The following PIEZO1 variants were observed in gnomAD, a reference collection of about 807,000 sequenced individuals.
PIEZO1 encodes the protein piezo-type mechanosensitive ion channel component 1.
Under a neutral mutation model 297.2 loss-of-function variants are expected in PIEZO1, and 296 were observed. That is an observed-to-expected ratio of 1.00 (90% confidence interval 0.91 to 1.10). The LOEUF is 1.10. Among genes scored for constraint, PIEZO1 ranks in the 50% least tolerant of loss-of-function variants. The probability of loss-of-function intolerance (pLI) is 0.00; values close to 1 mark genes in which losing one functional copy is unlikely to be tolerated. For synonymous variants in PIEZO1, 2,427 were observed against 1,507.5 expected (o/e 1.61, Z -14.13); for missense variants, 5,018 against 3,455.5 (o/e 1.45, Z -11.34).
At position 88,716,915 on chromosome 16, in the gene PIEZO1, G is replaced by A; in HGVS notation, c.6661-17C>T. On this transcript the variant is annotated splice_polypyrimidine_tract_variant and intron_variant, in intron 45 of 50. Transcript: ENST00000301015. ...GAACAGCGGCTGGGGCAGGCACGGGGACACGGGGCCACGAAGATGAGCGTG... is the reference window on the plus strand; with the variant it reads ...GAACAGCGGCTGGGGCAGGCACGGGAACACGGGGCCACGAAGATGAGCGTG... 3 of 1,549,028 alleles carry A rather than the reference G, an allele frequency of 1.9e-6. No individual in the cohort carries two copies. The highest frequency in any genetic ancestry group is 2.6e-6 in the Non-Finnish European group (3 of 1,146,452).
In PIEZO1 at chr16:88,738,333, G is replaced by A. The variant is rs1363120330; in HGVS notation, c.742C>T (p.Leu248Phe). The change falls in exon 7 of 51, where the codon CTC (leucine) becomes TTC (phenylalanine). Residue 248 changes from leucine (L) to phenylalanine (F), a missense_variant. Physicochemically the swap from Leu to Phe is conservative, Grantham distance 22. Transcript: ENST00000301015. Reference sequence around the variant, plus strand: ...CCGAAGCACCCCACCGCGACGCAGAGTCTGCTGAAGCCCCGAGTGCTGATG... The same window carrying A: ...CCGAAGCACCCCACCGCGACGCAGAATCTGCTGAAGCCCCGAGTGCTGATG... ...FPISTRGFSRLCVAVGCFGAG... is the reference protein window; with the variant it reads ...FPISTRGFSRFCVAVGCFGAG... 3 of 1,535,794 alleles carry A rather than the reference G, an allele frequency of 2.0e-6. No homozygotes were observed. Among genetic ancestry groups the A allele is most frequent in the African/African-American group, 2.7e-5 (2 of 73,058 alleles).
At chr16:88,720,325 G>A (rs770809474) in intron 41 of PIEZO1, 42 bp from the exon 42 acceptor site, 1 of 1,549,898 alleles carries the variant, frequency 6.5e-7, no homozygotes. Context: ...CCAAGCCCAG[G>A]GGATGTGGGT....
Position 88,721,561 on chromosome 16 carries a change from A to C in PIEZO1, c.5380T>G (p.Phe1794Val). 6.5e-7 allele frequency: 1 copy of C among 1,549,654 alleles called. No individual in the cohort carries two copies. Among genetic ancestry groups the C allele is most frequent in the Non-Finnish European group, 8.7e-7 (1 of 1,146,512 alleles). ...ACCAGCAGCTGGGAGCGGTGGAAGA[A>C]AAGGGCCATGAGCTGCACCAGGTCG... The part of the protein sequence containing the change: ...KYDLVQLMAL[F>V]FHRSQLLCYG... The change falls in exon 38 of 51, where the codon TTC becomes GTC. Residue 1794 changes from phenylalanine to valine, a missense_variant. Transcript: ENST00000301015.
chr16:88,717,794 T>C, intron 44 of PIEZO1: 1 of 450,876 alleles, frequency 2.2e-6, no homozygotes, highest in Non-Finnish European at 4.4e-6. Flanking sequence ...ATTCAGTCAT[T>C]TCTAGCCAAT....
intron 2 of PIEZO1, among the ~76,000 whole-genome samples, chr16:88,747,616 G>C (rs1424547627): frequency 6.6e-6 from 1 of 152,196 alleles, no homozygotes; most frequent in African/African-American, 2.4e-5. Flanking sequence ...GCCGGAGAGC[G>C]ACCTTCCACC....
At position 88,720,163 on chromosome 16, in the gene PIEZO1, G is replaced by A. The variant is rs549757408; in HGVS notation, c.6070C>T (p.Arg2024Cys). 5.4e-5 allele frequency: 83 copies of A among 1,550,484 alleles called. No homozygotes were observed. The highest frequency in any genetic ancestry group is 5.0e-4 in the Middle Eastern group (3 of 5,992). ...TMVVDRALYL[R>C]KTVLGKLAFQ... The stretch of plus-strand genomic sequence containing the variant: ...GCCAGCTTGCCCAGCACGGTCTTGC[G>A]CAGGTAGAGGGCGCGGTCAACCACC... The change falls in exon 42 of 51, where the codon CGC becomes TGC. Residue 2024 changes from arginine to cysteine, a missense_variant. Transcript: ENST00000301015.
At chr16:88,784,787 CCGCGCCCG>C in intron 1 of PIEZO1, 106 bp downstream of exon 1, 4 of 739,086 alleles carry the variant, frequency 5.4e-6, no homozygotes, top group Non-Finnish European at 7.6e-6. Context: ...CTGGGAATTT[CCGCGCCCG>C]CTCGCCCGCA....
intron 36 of PIEZO1, 38 bp downstream of exon 36, chr16:88,722,180 C>T (rs1366065624): frequency 6.5e-6 from 10 of 1,533,818 alleles, no homozygotes; most frequent in African/African-American, 4.1e-5. Context: ...TCCCCGAGGG[C>T]CATGGTGAGG....
intron 2 of PIEZO1, 55 bp downstream of exon 2, chr16:88,749,329 A>C: frequency 8.1e-7 from 1 of 1,227,458 alleles, no homozygotes; most frequent in Non-Finnish European, 1.1e-6. Context: ...TTGGCCCCAA[A>C]CGAATGCCCA....
In PIEZO1 at chr16:88,746,850, G is replaced by A. The variant is rs75936938; in HGVS notation, c.160+2534C>T. 1.4e-3 allele frequency among the ~76,000 whole-genome samples: 210 copies of A among 152,298 alleles called. 2 individuals carry two copies. In the Middle Eastern group the frequency reaches 0.02, roughly 15 times the overall value. ...TGCGCCCTGGGCATGAAATATTTAC[G>A]GAACAAACGGCGAAACGCCAGGGGC... On this transcript the variant is annotated intron_variant, in intron 2 of 50. Coordinates refer to ENST00000301015, the MANE Select transcript of PIEZO1 (RefSeq NM_001142864.4).
At chr16:88,716,996 T>G (rs1177019397) in intron 45 of PIEZO1, 27 bp downstream of exon 45, 1 of 1,549,272 alleles carries the variant, frequency 6.5e-7, no homozygotes. Context: ...GGGATGGGAA[T>G]GGACAGGCGG....
chr16:88,759,362 C>G (rs539638686), intron 1 of PIEZO1, among the ~76,000 whole-genome samples: 1 of 152,280 alleles, frequency 6.6e-6, no homozygotes, highest in East Asian at 1.9e-4. Flanking sequence ...GATCAGAGTT[C>G]GCGGATGACA....
intron 22 of PIEZO1, among the ~76,000 whole-genome samples, chr16:88,730,882 C>T (rs1416257244): frequency 1.3e-5 from 2 of 152,224 alleles, no homozygotes; most frequent in Non-Finnish European, 2.9e-5. Context: ...AGCTGACAGA[C>T]ACACAGAGAC....
chr16:88,748,956 A>G (rs1407025749), intron 2 of PIEZO1, among the ~76,000 whole-genome samples: 2 of 122,342 alleles, frequency 1.6e-5, no homozygotes, highest in East Asian at 3.1e-4. Flanking sequence ...AAAAAAAAAA[A>G]GCCGGGCGCG....
intron 1 of PIEZO1, among the ~76,000 whole-genome samples, chr16:88,756,533 G>A (rs929999104): frequency 1.4e-5 from 2 of 146,960 alleles, no homozygotes; most frequent in African/African-American, 2.5e-5. Flanking sequence ...GCGGGAAGAT[G>A]GCTCAAGCCC....
intron 1 of PIEZO1, among the ~76,000 whole-genome samples, chr16:88,755,194 G>A (rs767191101): frequency 6.6e-6 from 1 of 152,228 alleles, no homozygotes; most frequent in East Asian, 1.9e-4. Context: ...CCTGGGATGC[G>A]GCGAACAGCC....
At chr16:88,716,941 G>A (rs1912087183) in intron 45 of PIEZO1, 43 bp from the exon 46 acceptor site, 2 of 1,546,696 alleles carry the variant, frequency 1.3e-6, no homozygotes, top group Non-Finnish European at 1.7e-6. Context: ...GATGAGCGTG[G>A]AGGAGCGGCT....
Position 88,741,592 on chromosome 16 carries a change from G to T in PIEZO1, c.351C>A (p.Asn117Lys), listed in dbSNP as rs757593385. ...VTRLDLKDIP[N>K]AIRLVAPDLG... is the part of the protein sequence containing the mutation. Reference sequence around the variant, plus strand: ...GGTCAGGGGCCACCAGCCGGATGGCGTTGGGGATGTCCTTCAGGTCCAGCC... The same window carrying T: ...GGTCAGGGGCCACCAGCCGGATGGCTTTGGGGATGTCCTTCAGGTCCAGCC... The change falls in exon 5 of 51, where the codon AAC becomes AAA. Residue 117 changes from asparagine (N) to lysine (K), a missense_variant. Transcript: ENST00000301015. The T allele has an allele frequency of 2.0e-6, 3 of 1,535,412 alleles. No individual in the cohort carries two copies. Among genetic ancestry groups the T allele is most frequent in the Non-Finnish European group, 1.7e-6 (2 of 1,146,728 alleles).
intron 30 of PIEZO1, among the ~76,000 whole-genome samples, chr16:88,724,767 C>A (rs1904318085): frequency 6.6e-6 from 1 of 152,192 alleles, no homozygotes; most frequent in African/African-American, 2.4e-5. Context: ...CACCATGTGT[C>A]ATCGGGGCAA....
Sources: gnomAD v4.1 joint callset for allele counts (sites outside exome capture counted in the v4.1 genomes callset) on GRCh38, gnomAD v4.1.1 for gene constraint, MANE v1.5 for transcripts, NCBI Gene and HGNC (gene_info 2026-07-23, HGNC 2026-07-21) for gene names.